Variants in CEP63 observed in about 807,000 individuals in gnomAD.
CEP63 encodes the protein centrosomal protein 63, also known as centrosomal protein of 63 kDa.
Under a neutral mutation model 89.1 loss-of-function variants are expected in CEP63, and 84 were observed. The ratio of observed to expected loss-of-function variants is 0.94; its 90% confidence interval spans 0.79 to 1.13. CEP63 has a LOEUF of 1.13. Ranked by LOEUF, CEP63 falls within the 50% of genes most tolerant of loss-of-function variation. The probability of loss-of-function intolerance (pLI) is 0.00; values close to 1 mark genes in which losing one functional copy is unlikely to be tolerated. For missense variants in CEP63, 838 were observed against 813.3 expected, an observed-to-expected ratio of 1.03 and a Z score of -0.37; for synonymous variants, 267 against 272.5, an observed-to-expected ratio of 0.98 and a Z score of 0.20.
chr3:134,578,338 T>TTTGTTTG (rs1553798198), downstream of CEP63, among the ~76,000 whole-genome samples: 775 of 137,724 alleles, frequency 5.6e-3, no homozygotes, highest in Non-Finnish European at 7.7e-3. Flanking sequence ...TTTTTTTTTT[T>TTTGTTTG]TTTTTTTTTG....
the CEP63 span, among the ~76,000 whole-genome samples, chr3:134,649,355 T>G: frequency 6.6e-6 from 1 of 152,318 alleles, no homozygotes; most frequent in East Asian, 1.9e-4. Context: ...TCTGCATTCT[T>G]TGCCCTTTCT....
At chr3:134,487,452 A>G (rs566347005) in intron 1 of CEP63, among the ~76,000 whole-genome samples, 24 of 152,338 alleles carry the variant, frequency 1.6e-4, no homozygotes, top group African/African-American at 5.3e-4. Flanking sequence ...TACTGATGCC[A>G]TTTCCTCTCG....
At chr3:134,607,693 A>G in the CEP63 span, 16 of 985,726 alleles carry the variant, frequency 1.6e-5, no homozygotes, top group African/African-American at 2.6e-4. Flanking sequence ...CAGCCCCCGT[A>G]TGCCTCAGAG....
chr3:134,582,770 T>G (rs4955500), intron 10 of CEP63, among the ~76,000 whole-genome samples: 151,772 of 152,292 alleles, frequency 1, 75,631 homozygotes, highest in Middle Eastern at 1. Context: ...TTCCACAATG[T>G]TTGAACTAAT....
At chr3:134,778,537 TTTTGTTTG>T in the CEP63 span, among the ~76,000 whole-genome samples, 1 of 151,956 alleles carries the variant, frequency 6.6e-6, no homozygotes, top group African/African-American at 2.4e-5. Context: ...GTTTTTGCTG[TTTTGTTTG>T]TTTGTTTGTT....
intron 11 of CEP63, among the ~76,000 whole-genome samples, 168 bp from the exon 12 acceptor site, chr3:134,551,740 TATATATATATATATACAC>T (rs769906516): frequency 4.4e-5 from 5 of 114,428 alleles, no homozygotes; most frequent in African/African-American, 1.2e-4. Flanking sequence ...TATATATATA[TATATATATATATATACAC>T]ACACACACGT....
the CEP63 span, among the ~76,000 whole-genome samples, chr3:134,777,866 C>T: frequency 9.2e-5 from 14 of 151,814 alleles, no homozygotes; most frequent in South Asian, 1.0e-3. Context: ...CTGCCCACCT[C>T]GGTCTCCCAA....
chr3:134,599,330 G>A, the CEP63 span, among the ~76,000 whole-genome samples: 1 of 152,190 alleles, frequency 6.6e-6, no homozygotes, highest in Non-Finnish European at 1.5e-5. Flanking sequence ...CCTCGTTTTT[G>A]TGGATCTAGC....
At chr3:134,640,311 C>T in the CEP63 span, among the ~76,000 whole-genome samples, 7 of 152,212 alleles carry the variant, frequency 4.6e-5, no homozygotes, top group African/African-American at 1.7e-4. Flanking sequence ...TTAAGCCCAC[C>T]GCTTTCGAGA....
the CEP63 span, among the ~76,000 whole-genome samples, chr3:134,731,762 T>C: frequency 6.6e-6 from 1 of 152,116 alleles, no homozygotes. Context: ...TTGCTGCTGC[T>C]GAACATCTGT....
downstream of CEP63, among the ~76,000 whole-genome samples, chr3:134,568,505 C>T (rs1175030370): frequency 2.0e-5 from 3 of 152,164 alleles, no homozygotes; most frequent in Admixed American, 6.5e-5. Flanking sequence ...CCCCAAGGAT[C>T]CCCTTTTCTG....
the CEP63 span, chr3:134,643,447 G>A: frequency 7.2e-7 from 1 of 1,384,478 alleles, no homozygotes; most frequent in Non-Finnish European, 1.0e-6. Context: ...GCAAAGAGCT[G>A]TATGTGTTTG....
In CEP63 at chr3:134,561,465, T is replaced by G; in HGVS notation, c.2042T>G (p.Leu681Trp). Residue 681 changes from leucine (L) to tryptophan (W), a missense_variant, in exon 15 of 15, where the codon TTG becomes TGG. Coordinates refer to ENST00000675561, the MANE Select transcript of CEP63 (RefSeq NM_001353108.3). ...AGGTCTCATCACATTCTAGAGCGCTTGGATGCCCATATTGAAGAACTAAAA... is the reference window on the plus strand; with the variant it reads ...AGGTCTCATCACATTCTAGAGCGCTGGGATGCCCATATTGAAGAACTAAAA... ...ELRSHHILER[L>W]DAHIEELKRE... 1 of 1,613,956 alleles carries G rather than the reference T, an allele frequency of 6.2e-7. No homozygotes were observed. Among genetic ancestry groups the G allele is most frequent in the Non-Finnish European group, 8.5e-7 (1 of 1,179,902 alleles).
chr3:134,496,343 A>C (rs1939956471), intron 2 of CEP63, among the ~76,000 whole-genome samples: 1 of 151,234 alleles, frequency 6.6e-6, no homozygotes. Context: ...ACCATACATA[A>C]TAGTGTATTA....
chr3:134,488,963 C>A (rs1180292926), intron 1 of CEP63, among the ~76,000 whole-genome samples: 1 of 151,936 alleles, frequency 6.6e-6, no homozygotes, highest in Non-Finnish European at 1.5e-5. Context: ...CGAGACCAGC[C>A]TGACCAACAT....
At chr3:134,643,238 C>T in the CEP63 span, 1 of 1,417,984 alleles carries the variant, frequency 7.1e-7, no homozygotes, top group Non-Finnish European at 9.9e-7. Context: ...GCTCCACATC[C>T]TGGGCTGTCG....
the CEP63 span, among the ~76,000 whole-genome samples, chr3:134,775,664 G>A: frequency 3.3e-5 from 5 of 152,080 alleles, no homozygotes; most frequent in African/African-American, 1.2e-4. Context: ...TCTGATTCTG[G>A]GGTAGAGAAT....
chr3:134,762,828 G>A, the CEP63 span, among the ~76,000 whole-genome samples: 6 of 152,250 alleles, frequency 3.9e-5, no homozygotes, highest in Admixed American at 6.5e-5. Flanking sequence ...GACTCCTTTA[G>A]CCAAAAGCCC....
At chr3:134,640,021 T>G in the CEP63 span, 2 of 153,560 alleles carry the variant, frequency 1.3e-5, no homozygotes, top group Admixed American at 6.6e-5. Context: ...TTACTCTCCT[T>G]ACAAATTCAT....
Sources: gnomAD v4.1 joint callset for allele counts (sites outside exome capture counted in the v4.1 genomes callset) on GRCh38, gnomAD v4.1.1 for gene constraint, MANE v1.5 for transcripts, NCBI Gene and HGNC (gene_info 2026-07-23, HGNC 2026-07-21) for gene names.